Variants in ANO3 observed in about 807,000 individuals in gnomAD.
The protein encoded by ANO3 is anoctamin-3.
In ANO3, 99 loss-of-function variants were observed where a neutral mutation model predicts 144.8. That is an observed-to-expected ratio of 0.68 (90% CI 0.58 to 0.81). ANO3 has a LOEUF of 0.81. ANO3 is among the 30% of genes least tolerant of loss of function. ANO3 has a pLI of 0.00. For synonymous variants in ANO3, 414 were observed against 392.6 expected, an observed-to-expected ratio of 1.05 and a Z score of -0.64; for missense variants, 905 against 1,202.2, an observed-to-expected ratio of 0.75 and a Z score of 3.66.
At chr11:26,571,951 C>T (rs1275927990) in intron 14 of ANO3, 10 of 468,214 alleles carry the variant, frequency 2.1e-5, no homozygotes, top group South Asian at 1.8e-4. Context: ...GAGACCACTG[C>T]GATTCTCTTT....
intron 17 of ANO3, among the ~76,000 whole-genome samples, chr11:26,604,765 T>G (rs1851889804): frequency 6.6e-6 from 1 of 152,192 alleles, no homozygotes; most frequent in Non-Finnish European, 1.5e-5. Flanking sequence ...ATATTGATTT[T>G]GTACCCTAAG....
chr11:26,262,154 C>T (rs566744343), intron 1 of ANO3, among the ~76,000 whole-genome samples: 3 of 152,170 alleles, frequency 2.0e-5, no homozygotes, highest in African/African-American at 4.8e-5. Context: ...GCCCAGCTTA[C>T]GTTTAGAACA....
At chr11:26,427,279 T>A (rs531338128) in intron 1 of ANO3, 1 of 156,814 alleles carries the variant, frequency 6.4e-6, no homozygotes, top group South Asian at 1.9e-4. Flanking sequence ...CCTGTATTTA[T>A]AGGCGCCTCC....
intron 1 of ANO3, among the ~76,000 whole-genome samples, chr11:26,358,151 G>C (rs1855831324): frequency 6.7e-6 from 1 of 148,578 alleles, no homozygotes; most frequent in Non-Finnish European, 1.5e-5. Context: ...TTTACATGAA[G>C]CTTAGAATAC....
chr11:26,563,386 T>C, intron 14 of ANO3: 1 of 963,110 alleles, frequency 1.0e-6, no homozygotes, highest in East Asian at 2.7e-5. Context: ...TAATGGTGTG[T>C]TTCTCTCTCT....
intron 17 of ANO3, among the ~76,000 whole-genome samples, chr11:26,615,324 T>C (rs892278207): frequency 2.0e-5 from 3 of 150,324 alleles, no homozygotes. Flanking sequence ...ATACACCCTA[T>C]TCCTTCTGTT....
chr11:26,573,817 C>T (rs1353842093), intron 14 of ANO3, among the ~76,000 whole-genome samples: 2 of 152,092 alleles, frequency 1.3e-5, no homozygotes, highest in South Asian at 4.1e-4. Context: ...CCCTCACTGT[C>T]TTGAGCACAT....
At chr11:26,278,329 G>C (rs1404360833) in intron 1 of ANO3, among the ~76,000 whole-genome samples, 1 of 152,130 alleles carries the variant, frequency 6.6e-6, no homozygotes, top group Non-Finnish European at 1.5e-5. Context: ...GAATGGGACT[G>C]CTACTTGCTA....
intron 4 of ANO3, among the ~76,000 whole-genome samples, chr11:26,480,655 A>G (rs1214933682): frequency 6.6e-6 from 1 of 151,942 alleles, no homozygotes; most frequent in East Asian, 1.9e-4. Context: ...TAAAAATATA[A>G]AAATTAGCCA....
chr11:26,406,962 A>G (rs745758924), intron 1 of ANO3, among the ~76,000 whole-genome samples: 86 of 146,276 alleles, frequency 5.9e-4, no homozygotes, highest in Non-Finnish European at 9.6e-4. Context: ...ACATATATAT[A>G]TACACACACG....
intron 12 of ANO3, among the ~76,000 whole-genome samples, chr11:26,550,028 G>C (rs1398924158): frequency 6.6e-6 from 1 of 150,914 alleles, no homozygotes. Flanking sequence ...TAATATCCCA[G>C]TTAGATATCC....
intron 4 of ANO3, among the ~76,000 whole-genome samples, chr11:26,495,680 G>A (rs1860906683): frequency 6.6e-6 from 1 of 152,066 alleles, no homozygotes; most frequent in Non-Finnish European, 1.5e-5. Flanking sequence ...AGATTTTAGA[G>A]GAAAGGAAAG....
At chr11:26,365,880 T>G (rs1856056132) in intron 1 of ANO3, among the ~76,000 whole-genome samples, 1 of 151,748 alleles carries the variant, frequency 6.6e-6, no homozygotes, top group African/African-American at 2.4e-5. Flanking sequence ...GGCTCCTTTT[T>G]AATTATACAA....
chr11:26,381,987 G>A (rs1053511374), intron 1 of ANO3, among the ~76,000 whole-genome samples: 1 of 151,872 alleles, frequency 6.6e-6, no homozygotes, highest in African/African-American at 2.4e-5. Context: ...TTTGAATATA[G>A]GATTATTCTG....
intron 1 of ANO3, among the ~76,000 whole-genome samples, chr11:26,203,117 A>G (rs1211848698): frequency 6.6e-6 from 1 of 152,138 alleles, no homozygotes; most frequent in Non-Finnish European, 1.5e-5. Context: ...GGATAGTGAC[A>G]TGGTTCAAGC....
At chr11:26,285,859 A>T (rs1019560955) in intron 1 of ANO3, 1 of 152,222 alleles carries the variant, frequency 6.6e-6, no homozygotes, top group African/African-American at 2.4e-5. Context: ...ATGGAAAGGT[A>T]TGAATGATAA....
chr11:26,266,855 G>T, intron 1 of ANO3, among the ~76,000 whole-genome samples: 1 of 151,508 alleles, frequency 6.6e-6, no homozygotes, highest in Admixed American at 6.6e-5. Flanking sequence ...GCCGAGGCGG[G>T]CGGATCACGA....
At chr11:26,295,682 G>A (rs1464232543) in intron 1 of ANO3, among the ~76,000 whole-genome samples, 3 of 152,032 alleles carry the variant, frequency 2.0e-5, no homozygotes, top group Non-Finnish European at 2.9e-5. Flanking sequence ...ATGTGAAATA[G>A]AGCACCTCAT....
At chr11:26,622,961 C>T (rs1393205586) in intron 17 of ANO3, among the ~76,000 whole-genome samples, 1 of 152,120 alleles carries the variant, frequency 6.6e-6, no homozygotes, top group African/African-American at 2.4e-5. Context: ...TGAATCTATC[C>T]TATTGTACTC....
Sources: gnomAD v4.1 joint callset for allele counts (sites outside exome capture counted in the v4.1 genomes callset) on GRCh38, gnomAD v4.1.1 for gene constraint, MANE v1.5 for transcripts, NCBI Gene and HGNC (gene_info 2026-07-23, HGNC 2026-07-21) for gene names.